Variants in C2orf76 observed in about 807,000 individuals in gnomAD.
The protein encoded by C2orf76 is UPF0538 protein C2orf76.
Under a neutral mutation model 16.9 loss-of-function variants are expected in C2orf76, and 23 were observed. The observed-to-expected ratio is 1.36, with a 90% CI of 0.98 to 1.93. The LOEUF is 1.93. Among genes scored for constraint, C2orf76 ranks in the 30% most tolerant of loss-of-function variants. C2orf76 has a pLI of 0.00. For synonymous variants in C2orf76, 48 were observed against 52.3 expected (o/e 0.92, Z 0.35); for missense variants, 152 against 152.6 (o/e 1.00, Z 0.02).
intron 1 of C2orf76, among the ~76,000 whole-genome samples, chr2:119,360,477 C>CA (rs770401400): frequency 0.37 from 24,542 of 66,520 alleles, 4,150 homozygotes; most frequent in Non-Finnish European, 0.43. Context: ...AACTCTGTCT[C>CA]AAAAAAAAAA....
At chr2:119,332,881 T>C (rs1679720446) in intron 2 of C2orf76, among the ~76,000 whole-genome samples, 1 of 152,160 alleles carries the variant, frequency 6.6e-6, no homozygotes, top group Admixed American at 6.5e-5. Context: ...AGGCATGCAC[T>C]ACAAAGCCAG....
At chr2:119,348,271 G>C (rs930640466) in intron 1 of C2orf76, among the ~76,000 whole-genome samples, 1 of 152,160 alleles carries the variant, frequency 6.6e-6, no homozygotes, top group African/African-American at 2.4e-5. Flanking sequence ...ATGTCCAACA[G>C]TAAAGAAATG....
chr2:119,299,855 G>A (rs1678591147), downstream of C2orf76, among the ~76,000 whole-genome samples: 1 of 152,196 alleles, frequency 6.6e-6, no homozygotes, highest in African/African-American at 2.4e-5. Context: ...AATGGAATAT[G>A]TTTTAACCTC....
At chr2:119,356,003 G>A (rs1468269533) in intron 1 of C2orf76, among the ~76,000 whole-genome samples, 1 of 152,122 alleles carries the variant, frequency 6.6e-6, no homozygotes, top group Non-Finnish European at 1.5e-5. Context: ...GACCACAGTG[G>A]AATCAAATTA....
intron 1 of C2orf76, among the ~76,000 whole-genome samples, chr2:119,340,807 G>A (rs1680003867): frequency 7.2e-6 from 1 of 138,672 alleles, no homozygotes; most frequent in African/African-American, 2.7e-5. Flanking sequence ...CACACAAATT[G>A]GAAAACCACC....
At chr2:119,308,857 T>C (rs1394191276) in intron 5 of C2orf76, among the ~76,000 whole-genome samples, 2 of 152,236 alleles carry the variant, frequency 1.3e-5, no homozygotes, top group Non-Finnish European at 2.9e-5. Flanking sequence ...GAAAGTCTTA[T>C]TGGTCAAACC....
intron 1 of C2orf76, among the ~76,000 whole-genome samples, chr2:119,348,226 G>A (rs893746345): frequency 5.9e-5 from 9 of 152,276 alleles, no homozygotes; most frequent in Admixed American, 1.3e-4. Flanking sequence ...TCACTGAAAT[G>A]TTTCTAACAG....
chr2:119,345,764 AAAAGAATAAAATTTTGGCCAGGTGCGGT>A (rs765347088), intron 1 of C2orf76, among the ~76,000 whole-genome samples: 239 of 152,322 alleles, frequency 1.6e-3, no homozygotes, highest in Non-Finnish European at 2.6e-3. Context: ...AAAAAGTACT[AAAAGAATAAAATTTTGGCCAGGTGCGGT>A]GGCTCACGCC....
chr2:119,331,752 G>A (rs1679683823), intron 2 of C2orf76, among the ~76,000 whole-genome samples: 2 of 152,102 alleles, frequency 1.3e-5, no homozygotes, highest in Admixed American at 6.6e-5. Flanking sequence ...ATTATACATA[G>A]TTTTTTTAGT....
chr2:119,287,408 T>G, the C2orf76 span, among the ~76,000 whole-genome samples: 1 of 152,156 alleles, frequency 6.6e-6, no homozygotes, highest in South Asian at 2.1e-4. Context: ...CAGGTTCCCA[T>G]GTACATACAT....
chr2:119,289,389 G>C, the C2orf76 span, among the ~76,000 whole-genome samples: 1 of 152,004 alleles, frequency 6.6e-6, no homozygotes, highest in African/African-American at 2.4e-5. Flanking sequence ...TGTGGTGTCT[G>C]CATTAAAGCG....
chr2:119,345,451 C>G (rs1680167494), intron 1 of C2orf76, among the ~76,000 whole-genome samples: 1 of 152,042 alleles, frequency 6.6e-6, no homozygotes, highest in South Asian at 2.1e-4. Context: ...TAATCTGTAC[C>G]AAAATTTTAA....
At chr2:119,309,183 C>T (rs1056036467) in intron 5 of C2orf76, among the ~76,000 whole-genome samples, 3 of 152,152 alleles carry the variant, frequency 2.0e-5, no homozygotes, top group Non-Finnish European at 4.4e-5. Flanking sequence ...TGAGCCACTG[C>T]ACCTGGCCCC....
intron 2 of C2orf76, among the ~76,000 whole-genome samples, chr2:119,336,656 T>C (rs1406534884): frequency 4.0e-5 from 6 of 151,808 alleles, no homozygotes; most frequent in African/African-American, 1.5e-4. Context: ...TTAGAAAGCC[T>C]TGGGGAGGGA....
chr2:119,311,569 C>A, intron 5 of C2orf76, 53 bp downstream of exon 5: 1 of 1,587,438 alleles, frequency 6.3e-7, no homozygotes, highest in Admixed American at 1.9e-5. Flanking sequence ...AGCCAGGCCT[C>A]AGGATAGGCC....
chr2:119,325,963 T>C (rs1163068785), intron 2 of C2orf76, among the ~76,000 whole-genome samples: 1 of 152,228 alleles, frequency 6.6e-6, no homozygotes, highest in Non-Finnish European at 1.5e-5. Context: ...ATTCTTATTA[T>C]TCTAGATAAT....
intron 3 of C2orf76, among the ~76,000 whole-genome samples, chr2:119,319,549 G>A (rs1316419302): frequency 6.6e-6 from 1 of 152,164 alleles, no homozygotes; most frequent in African/African-American, 2.4e-5. Flanking sequence ...ACAGCTTTAT[G>A]AAACAGAGAG....
At chr2:119,328,231 C>A (rs553808496) in intron 2 of C2orf76, among the ~76,000 whole-genome samples, 2 of 152,026 alleles carry the variant, frequency 1.3e-5, no homozygotes, top group South Asian at 4.1e-4. Flanking sequence ...GTAGAATGTA[C>A]CAGTGAAACC....
At chr2:119,346,664 T>C (rs1476515266) in intron 1 of C2orf76, among the ~76,000 whole-genome samples, 1 of 152,178 alleles carries the variant, frequency 6.6e-6, no homozygotes, top group Non-Finnish European at 1.5e-5. Flanking sequence ...GTCATGTCTG[T>C]GGCTATTAAA....
Sources: allele counts gnomAD v4.1 joint callset (sites outside exome capture counted in the v4.1 genomes callset), GRCh38; gene constraint gnomAD v4.1.1; transcripts MANE v1.5; gene names NCBI Gene and HGNC (gene_info 2026-07-23, HGNC 2026-07-21).